The following ZFP69 variants were observed in gnomAD, a reference collection of about 807,000 sequenced individuals.
The protein encoded by ZFP69 is zinc finger protein 69 homolog.
In ZFP69, 35 loss-of-function variants were observed where a neutral mutation model predicts 48.9. The ratio of observed to expected loss-of-function variants is 0.72; its 90% confidence interval spans 0.55 to 0.95. The LOEUF is 0.95. Ranked by LOEUF, ZFP69 falls within the 40% of genes least tolerant of loss-of-function variation. The probability of loss-of-function intolerance (pLI) is 0.00; values close to 1 mark genes in which losing one functional copy is unlikely to be tolerated. For missense variants in ZFP69, 557 were observed against 638.4 expected (o/e 0.87, Z 1.37); for synonymous variants, 193 against 216.8 (o/e 0.89, Z 0.96).
At position 40,479,454 on chromosome 1, in the gene ZFP69, G is replaced by T; in HGVS notation, c.93G>T (p.Leu31=). The stretch of plus-strand genomic sequence containing the variant: ...AGAAGGCCGTGGAGGGGGCGCCCCT[G>T]TGGGAGGATGTGACTAAAATGTTTG... ...HPKKAVEGAP[L]WEDVTKMFEG... The change falls in exon 2 of 6, where the codon CTG becomes CTT. Residue 31 remains leucine (L), a synonymous_variant. Transcript: ENST00000372706. The T allele has an allele frequency of 1.2e-6, 2 of 1,613,940 alleles. No homozygotes were observed. Among genetic ancestry groups the T allele is most frequent in the Non-Finnish European group, 1.7e-6 (2 of 1,179,882 alleles).
intron 5 of ZFP69, among the ~76,000 whole-genome samples, chr1:40,491,797 A>G (rs185555125): frequency 4.4e-4 from 66 of 151,438 alleles, no homozygotes; most frequent in African/African-American, 1.5e-3. Flanking sequence ...ATATATATAT[A>G]TATTCATTCT....
intron 2 of ZFP69, among the ~76,000 whole-genome samples, chr1:40,480,644 C>T (rs530492148): frequency 1.3e-5 from 2 of 151,272 alleles, no homozygotes; most frequent in South Asian, 4.2e-4. Flanking sequence ...TTTCCTTTAT[C>T]TACAAAATGG....
rs992047029 is a variant in ZFP69, at chr1:40,496,153, AATG to A, written c.*98_*100del. On this transcript the variant is annotated 3_prime_UTR_variant, in exon 6 of 6. Transcript: ENST00000372706. ...GGACTCAGATATGAGGAATTGATGT[AATG>A]ATGCCAACTTTTAATTTTTCCCATT... is the stretch of plus-strand genomic sequence containing the variant. 10 of 1,297,136 alleles carry A rather than the reference AATG, an allele frequency of 7.7e-6. No homozygotes were observed. Among genetic ancestry groups the A allele is most frequent in the Non-Finnish European group, 1.0e-5 (10 of 953,520 alleles). 80.4% of individuals were successfully genotyped at this position (1,297,136 alleles called of 1,614,324 possible). A position where few individuals can be genotyped will look rare whatever the true frequency, so the allele number is the denominator to read the frequency against.
At chr1:40,486,603 G>A (rs914738816) in intron 3 of ZFP69, among the ~76,000 whole-genome samples, 9 of 141,876 alleles carry the variant, frequency 6.3e-5, no homozygotes, top group African/African-American at 2.1e-4. Flanking sequence ...ATTTTTTTTT[G>A]TAGAGACAGG....
chr1:40,488,530 C>G (rs1049244696), intron 3 of ZFP69, among the ~76,000 whole-genome samples: 5 of 152,188 alleles, frequency 3.3e-5, no homozygotes, highest in Admixed American at 2.0e-4. Flanking sequence ...CCTATCCCAC[C>G]CTGTTCCTCA....
intron 5 of ZFP69, among the ~76,000 whole-genome samples, chr1:40,494,167 A>G (rs894180978): frequency 2.0e-5 from 3 of 150,954 alleles, no homozygotes; most frequent in African/African-American, 7.3e-5. Context: ...TTCCAAAAGT[A>G]GTTGTCAATT....
chr1:40,495,249 T>C lies in ZFP69; in HGVS notation c.771T>C (p.Asp257=), dbSNP rs147275140. The part of the protein sequence containing the change: ...TPTKRNTYKL[D]LINHPTSYIR... Reference sequence around the variant, plus strand: ...CAAAGCGGAACACATACAAATTAGATTTGATTAATCATCCAACAAGTTACA... The same window carrying C: ...CAAAGCGGAACACATACAAATTAGACTTGATTAATCATCCAACAAGTTACA... Residue 257 remains aspartate (D), a synonymous_variant, in exon 6 of 6, where the codon GAT becomes GAC. Transcript: ENST00000372706. The C allele has an allele frequency of 1.9e-4, 313 of 1,613,972 alleles. No individual in the cohort carries two copies. Among genetic ancestry groups the C allele is most frequent in the Admixed American group, 5.2e-4 (31 of 60,010 alleles).
intron 3 of ZFP69, among the ~76,000 whole-genome samples, chr1:40,484,582 A>AT (rs149167154): frequency 4.0e-4 from 57 of 140,810 alleles, no homozygotes; most frequent in Middle Eastern, 4.1e-3. Context: ...CAGTTCTTTG[A>AT]TTTTTTTTTT....
intron 2 of ZFP69, among the ~76,000 whole-genome samples, chr1:40,481,039 C>T (rs972117283): frequency 6.6e-6 from 1 of 152,180 alleles, no homozygotes; most frequent in African/African-American, 2.4e-5. Context: ...GAACTCCTGA[C>T]CTCGTGATCC....
chr1:40,496,177 C>A lies in ZFP69; in HGVS notation c.*118C>A. 1 of 1,094,384 alleles carries A rather than the reference C, an allele frequency of 9.1e-7. No individual in the cohort carries two copies. 67.8% of individuals were successfully genotyped at this position (1,094,384 alleles called of 1,614,324 possible). On this transcript the variant is annotated 3_prime_UTR_variant, in exon 6 of 6. Coordinates refer to ENST00000372706, the MANE Select transcript of ZFP69 (RefSeq NM_001320179.2). ...TAATGATGCCAACTTTTAATTTTTC[C>A]CATTGTAAATAAACATTACATTGAC...
chr1:40,492,055 G>T (rs142998637), intron 5 of ZFP69, among the ~76,000 whole-genome samples: 1 of 152,046 alleles, frequency 6.6e-6, no homozygotes, highest in Non-Finnish European at 1.5e-5. Context: ...TAGAGACTGG[G>T]TCTTGCTATG....
chr1:40,481,502 G>A (rs187820735), intron 2 of ZFP69, among the ~76,000 whole-genome samples: 1 of 152,078 alleles, frequency 6.6e-6, no homozygotes, highest in Non-Finnish European at 1.5e-5. Context: ...TTGGAGGGGG[G>A]AGTGGGATTT....
At chr1:40,478,607 A>G (rs571936300) in intron 1 of ZFP69, among the ~76,000 whole-genome samples, 2 of 152,346 alleles carry the variant, frequency 1.3e-5, no homozygotes, top group African/African-American at 4.8e-5. Context: ...AATTAATACT[A>G]TGATTCAGCA....
chr1:40,484,432 C>T (rs948808311), intron 3 of ZFP69, among the ~76,000 whole-genome samples: 1 of 152,092 alleles, frequency 6.6e-6, no homozygotes, highest in Admixed American at 6.5e-5. Context: ...CTCTTAACCT[C>T]AAGTTACCTG....
At chr1:40,479,611 T>G (rs1570012261) in intron 2 of ZFP69, 123 bp downstream of exon 2, 1 of 1,343,248 alleles carries the variant, frequency 7.4e-7, no homozygotes, top group East Asian at 2.8e-5. Context: ...ATTCTTGTGG[T>G]TTTTGGGAAG....
At position 40,489,092 on chromosome 1, in the gene ZFP69, T is replaced by C; in HGVS notation, c.224T>C (p.Leu75Ser). Reference sequence around the variant, plus strand: ...TGAATGTATTTGATGTTCTAGGAATTGTTGACTTTCAAGGACATATCTATT... The same window carrying C: ...TGAATGTATTTGATGTTCTAGGAATCGTTGACTTTCAAGGACATATCTATT... ...PGLPTAESQE[L>S]LTFKDISIDF... Residue 75 changes from leucine to serine, a missense_variant, in exon 4 of 6, where the codon TTG becomes TCG. Coordinates refer to ENST00000372706, the MANE Select transcript of ZFP69 (RefSeq NM_001320179.2). The C allele has an allele frequency of 6.2e-7, 1 of 1,613,756 alleles. No homozygotes were observed.
In ZFP69 at chr1:40,496,324, T is replaced by C; in HGVS notation, c.*265T>C. 1 of 295,220 alleles carries C rather than the reference T, an allele frequency of 3.4e-6. No homozygotes were observed. The highest frequency in any genetic ancestry group is 5.8e-5 in the East Asian group (1 of 17,328). 18.3% of individuals were successfully genotyped at this position (295,220 alleles called of 1,614,324 possible). On this transcript the variant is annotated 3_prime_UTR_variant, in exon 6 of 6. Coordinates refer to ENST00000372706, the MANE Select transcript of ZFP69 (RefSeq NM_001320179.2). ...TTTTTCTGATTTCATGGTGGATTAA[T>C]AAATTATTCTTCATGGGTATTCATG...
At chr1:40,489,866 C>CTTTTTTTTTTTTTT (rs374820239) in intron 5 of ZFP69, among the ~76,000 whole-genome samples, 8 of 115,412 alleles carry the variant, frequency 6.9e-5, no homozygotes, top group East Asian at 5.4e-4. Context: ...TTTTCTTTTT[C>CTTTTTTTTTTTTTT]TTTTTTTTTT....
At chr1:40,481,922 T>C (rs896670802) in intron 3 of ZFP69, 68 bp downstream of exon 3, 2 of 1,257,688 alleles carry the variant, frequency 1.6e-6, no homozygotes, top group African/African-American at 3.0e-5. Context: ...AACCTGTCTT[T>C]TTTGCAGAGG....
Sources: allele counts gnomAD v4.1 joint callset (sites outside exome capture counted in the v4.1 genomes callset), GRCh38; gene constraint gnomAD v4.1.1; transcripts MANE v1.5; gene names NCBI Gene and HGNC (gene_info 2026-07-23, HGNC 2026-07-21).